Variants in DAAM2 observed in about 807,000 individuals in gnomAD.
DAAM2 encodes dishevelled associated activator of morphogenesis 2.
DAAM2 carries 39 observed loss-of-function variants against 120.7 expected under a neutral mutation model. The ratio of observed to expected loss-of-function variants is 0.32; its 90% CI spans 0.25 to 0.42. The LOEUF (loss-of-function observed/expected upper bound fraction) is 0.42, where lower values mean the gene tolerates loss of function less well. Ranked by LOEUF, DAAM2 falls within the 10% of genes least tolerant of loss-of-function variation. The pLI, the probability that DAAM2 is intolerant of heterozygous loss-of-function variation, is 1.00. For missense variants in DAAM2, 1,283 were observed against 1,401.7 expected (o/e 0.92, Z 1.35); for synonymous variants, 488 against 524.9 (o/e 0.93, Z 0.96).
chr6:39,808,696 A>C (rs2114046062), intron 1 of DAAM2, among the ~76,000 whole-genome samples: 1 of 152,274 alleles, frequency 6.6e-6, no homozygotes, highest in African/African-American at 2.4e-5. Context: ...AGTGACATAC[A>C]CTGTGTTGGC....
At chr6:39,872,908 G>A (rs1325268006) in intron 9 of DAAM2, among the ~76,000 whole-genome samples, 2 of 152,156 alleles carry the variant, frequency 1.3e-5, no homozygotes, top group East Asian at 3.9e-4. Context: ...AATGTCTGGG[G>A]ACATTTTGAC....
intron 3 of DAAM2, chr6:39,861,680 CTAT>C: frequency 6.4e-6 from 1 of 156,620 alleles, no homozygotes; most frequent in Admixed American, 6.1e-5. Context: ...TGCCCCCTTT[CTAT>C]TTTAGTCTGT....
chr6:39,841,386 G>A (rs1299121468), intron 1 of DAAM2, among the ~76,000 whole-genome samples: 1 of 150,692 alleles, frequency 6.6e-6, no homozygotes, highest in Non-Finnish European at 1.5e-5. Flanking sequence ...AGGGTTCCAG[G>A]GGGGAGGGAA....
intron 5 of DAAM2, among the ~76,000 whole-genome samples, chr6:39,865,882 AC>A (rs1764409238): frequency 6.6e-6 from 1 of 152,246 alleles, no homozygotes; most frequent in African/African-American, 2.4e-5. Context: ...TTTTGAGTTT[AC>A]ATGCATTGTA....
In DAAM2 at chr6:39,867,456, AGT is replaced by A. The variant is rs149305525; in HGVS notation, c.429-51_429-50del. 3.9e-3 allele frequency: 6,177 copies of A among 1,565,874 alleles called. 198 individuals are homozygous for A. The African/African-American group carries it at 0.073, about 18-fold the overall frequency. On this transcript the variant is annotated intron_variant, in intron 5 of 24. Coordinates refer to ENST00000274867, the MANE Select transcript of DAAM2 (RefSeq NM_001201427.2). ...CAGGTAAGGGGGTAACTATTTGCAA[AGT>A]GTACACAGAATCATATGCAAATATA...
intron 19 of DAAM2, among the ~76,000 whole-genome samples, chr6:39,896,364 G>C (rs1766090516): frequency 6.6e-6 from 1 of 151,930 alleles, no homozygotes; most frequent in Admixed American, 6.6e-5. Context: ...CACCACACCT[G>C]ACTAATTTTT....
chr6:39,884,155 C>A, intron 15 of DAAM2, 86 bp downstream of exon 15: 2 of 671,638 alleles, frequency 3.0e-6, no homozygotes, highest in Non-Finnish European at 5.3e-6. Flanking sequence ...TGCCTGCCTT[C>A]CTTTCCTTTC....
chr6:39,801,930 A>G (rs1761876498), intron 1 of DAAM2, among the ~76,000 whole-genome samples: 1 of 152,240 alleles, frequency 6.6e-6, no homozygotes, highest in African/African-American at 2.4e-5. Flanking sequence ...AGATACGTCA[A>G]TATTTTCACA....
intron 2 of DAAM2, among the ~76,000 whole-genome samples, chr6:39,857,013 A>C (rs1764034403): frequency 6.6e-6 from 1 of 152,206 alleles, no homozygotes; most frequent in African/African-American, 2.4e-5. Context: ...GTGCTTAGCA[A>C]GGGGCAGGCG....
At chr6:39,874,334 A>G (rs1764784610) in intron 10 of DAAM2, among the ~76,000 whole-genome samples, 1 of 152,206 alleles carries the variant, frequency 6.6e-6, no homozygotes, top group Admixed American at 6.5e-5. Flanking sequence ...GGTAAATGAT[A>G]CAACTTTGCA....
intron 1 of DAAM2, chr6:39,819,440 A>G (rs1191917537): frequency 6.6e-6 from 1 of 152,228 alleles, no homozygotes; most frequent in African/African-American, 2.4e-5. Flanking sequence ...TGAAGTTCAA[A>G]TGAGGTAACT....
rs112723275 is a variant in DAAM2, at chr6:39,835,411, C to T, written c.-56-20836C>T. Among the ~76,000 whole-genome samples, 646 of 152,308 alleles carry T rather than the reference C, an allele frequency of 4.2e-3. 4 individuals are homozygous for T. Among genetic ancestry groups the T allele is most frequent in the African/African-American group, 0.014 (587 of 41,560 alleles). ...CCAGTGGCTGGGAGATCTCTTCTCA[C>T]GTTAGAAGAGACTTGAGGAACATGA... On this transcript the variant is annotated intron_variant, in intron 1 of 24. Transcript: ENST00000274867.
At chr6:39,865,475 A>C (rs1764390150) in intron 5 of DAAM2, among the ~76,000 whole-genome samples, 1 of 152,160 alleles carries the variant, frequency 6.6e-6, no homozygotes, top group African/African-American at 2.4e-5. Context: ...ACGGGTAGAG[A>C]AGTACTCCAA....
chr6:39,885,834 A>C (rs1205671999), intron 15 of DAAM2: 1 of 152,142 alleles, frequency 6.6e-6, no homozygotes, highest in Non-Finnish European at 1.5e-5. Flanking sequence ...GCGAGTTTTG[A>C]GTCAGTAGCT....
rs1208369494 is a variant in DAAM2, at chr6:39,818,452, T to C, written c.-57+25987T>C. Among the ~76,000 whole-genome samples, 9 of 152,286 alleles carry C rather than the reference T, an allele frequency of 5.9e-5. No homozygotes were observed. The South Asian group carries it at 1.7e-3, about 28-fold the overall frequency. ...TTTTATCTGAGGATGAAAGAAAGTA[T>C]TAATCTGTGGTATTTTGACGTTAAT... On this transcript the variant is annotated intron_variant, in intron 1 of 24. Transcript: ENST00000274867.
Position 39,902,020 on chromosome 6 carries a change from A to G in DAAM2, c.3190A>G (p.Asn1064Asp). Residue 1064 changes from asparagine (N) to aspartate (D), a missense_variant, in exon 25 of 25, where the codon AAC (asparagine) becomes GAC (aspartate). Physicochemically the swap from Asn to Asp is conservative, Grantham distance 23. Transcript: ENST00000274867. ...GGAAGTTACCCGGGAGCGGGCAATA[A>G]ACCGGCTAAATTATTGACCTGGGGA... ...ALEVTRERAI[N>D]RLNY 3.1e-6 allele frequency: 5 copies of G among 1,607,420 alleles called. No individual in the cohort carries two copies. The highest frequency in any genetic ancestry group is 4.3e-6 in the Non-Finnish European group (5 of 1,175,498).
chr6:39,866,524 CTG>C (rs1231115022), intron 5 of DAAM2, among the ~76,000 whole-genome samples: 1 of 152,006 alleles, frequency 6.6e-6, no homozygotes, highest in East Asian at 1.9e-4. Context: ...TCAAGGGTAC[CTG>C]TGTGTGTGGG....
At chr6:39,860,794 T>C (rs2149292098) in intron 2 of DAAM2, 134 bp from the exon 3 acceptor site, 2 of 738,686 alleles carry the variant, frequency 2.7e-6, no homozygotes, top group Middle Eastern at 2.5e-4. Flanking sequence ...TATCATATCT[T>C]TGATGCTCTT....
intron 1 of DAAM2, among the ~76,000 whole-genome samples, chr6:39,813,866 T>A (rs1217192414): frequency 6.6e-6 from 1 of 152,186 alleles, no homozygotes; most frequent in Non-Finnish European, 1.5e-5. Context: ...GTTAGACAGT[T>A]TTGTATTGTG....
Sources: gnomAD v4.1 joint callset for allele counts (sites outside exome capture counted in the v4.1 genomes callset) on GRCh38, gnomAD v4.1.1 for gene constraint, MANE v1.5 for transcripts, NCBI Gene and HGNC (gene_info 2026-07-23, HGNC 2026-07-21) for gene names.